CCDC187: variants seen among roughly 807,000 people sequenced by gnomAD.
CCDC187 encodes coiled-coil domain-containing protein 187.
A neutral mutation model predicts 38.0 loss-of-function variants in CCDC187; 32 were observed. The ratio of observed to expected loss-of-function variants is 0.84; its 90% CI spans 0.64 to 1.13. The LOEUF is 1.13. Among genes scored for constraint, CCDC187 ranks in the 50% most tolerant of loss-of-function variants. CCDC187 has a pLI of 0.00. For missense variants in CCDC187, 707 were observed against 786.8 expected, an observed-to-expected ratio of 0.90 and a Z score of 1.21; for synonymous variants, 333 against 347.9, an observed-to-expected ratio of 0.96 and a Z score of 0.48.
chr9:136,287,286 A>C (rs1831204589), intron 7 of CCDC187, among the ~76,000 whole-genome samples: 2 of 152,230 alleles, frequency 1.3e-5, no homozygotes, highest in Non-Finnish European at 2.9e-5. Context: ...ACTCACGTTC[A>C]TGGTTTCTTT....
intron 7 of CCDC187, among the ~76,000 whole-genome samples, chr9:136,288,920 C>A (rs1831244685): frequency 6.6e-6 from 1 of 152,216 alleles, no homozygotes; most frequent in Non-Finnish European, 1.5e-5. Context: ...GGTGCACGTG[C>A]CCATGCAATT....
At chr9:136,275,460 A>G (rs1182026131) in intron 12 of CCDC187, among the ~76,000 whole-genome samples, 2 of 151,978 alleles carry the variant, frequency 1.3e-5, no homozygotes, top group South Asian at 2.1e-4. Flanking sequence ...ACACACGTGC[A>G]CACACACCCA....
In CCDC187 at chr9:136,252,763, C is replaced by A. The variant is rs62579874; in HGVS notation, c.*831G>T. 0.65 allele frequency: 99,175 copies of A among 152,290 alleles called. 37,095 individuals carry two copies. Among genetic ancestry groups the A allele is most frequent in the Non-Finnish European group, 0.83 (56,357 of 68,094 alleles). 9.4% of individuals were successfully genotyped at this position (152,290 alleles called of 1,614,324 possible). On this transcript the variant is annotated 3_prime_UTR_variant, in exon 26 of 26. Transcript: ENST00000638797. ...GAGCTGCTAAGGAGTCACGCAGGAC[C>A]CTCCTGGTGAGCCACGTGGAGACCA...
chr9:136,289,483 C>T (rs1377717702), intron 7 of CCDC187, among the ~76,000 whole-genome samples: 6 of 133,954 alleles, frequency 4.5e-5, no homozygotes, highest in Admixed American at 4.3e-4. Context: ...CGTGCCATTG[C>T]GCTCCAGCCT....
At chr9:136,259,095 G>T in intron 21 of CCDC187, 94 bp from the exon 22 acceptor site, 1 of 939,632 alleles carries the variant, frequency 1.1e-6, no homozygotes, top group South Asian at 4.9e-5. Flanking sequence ...GACAGATGGG[G>T]ACAGACTGGG....
chr9:136,280,068 T>C (rs991087459), intron 10 of CCDC187, among the ~76,000 whole-genome samples: 1 of 152,330 alleles, frequency 6.6e-6, no homozygotes, highest in Non-Finnish European at 1.5e-5. Context: ...TCTCTGGGAT[T>C]CTGTTACGAC....
At chr9:136,299,521 G>C (rs971688070) in intron 3 of CCDC187, among the ~76,000 whole-genome samples, 8 of 152,276 alleles carry the variant, frequency 5.3e-5, no homozygotes, top group African/African-American at 1.9e-4. Flanking sequence ...CTCTGGACTC[G>C]AGAGAGCCTC....
intron 10 of CCDC187, chr9:136,281,253 GA>G: frequency 2.5e-6 from 1 of 397,364 alleles, no homozygotes; most frequent in Non-Finnish European, 4.4e-6. Flanking sequence ...GGACTGTAAG[GA>G]AGCGCCCTAG....
Position 136,291,769 on chromosome 9 carries a change from C to G in CCDC187, c.968-124G>C, listed in dbSNP as rs966545429. 4.6e-4 allele frequency: 182 copies of G among 397,766 alleles called. 1 individual carries two copies. Among genetic ancestry groups the G allele is most frequent in the African/African-American group, 3.3e-3 (159 of 48,752 alleles). 24.6% of individuals were successfully genotyped at this position (397,766 alleles called of 1,614,324 possible). On this transcript the variant is annotated intron_variant, in intron 5 of 25. Transcript: ENST00000638797. ...AGGAGGCCCTCGGGCCCCTGCTGGG[C>G]AGAAGCCCTCTGAGGGTGGGCACCA...
At position 136,303,511 on chromosome 9, in the gene CCDC187, A is replaced by G. The variant is rs1182775471; in HGVS notation, c.143+177T>C. On this transcript the variant is annotated intron_variant, in intron 1 of 25. Transcript: ENST00000638797. ...GTAGGTAATGTGATCGGCCCGATTTACAGATGGAGAAACTGAGTCTCAGAG... is the reference window on the plus strand; with the variant it reads ...GTAGGTAATGTGATCGGCCCGATTTGCAGATGGAGAAACTGAGTCTCAGAG... Among the ~76,000 whole-genome samples, 5 of 152,230 alleles carry G rather than the reference A, an allele frequency of 3.3e-5. No individual in the cohort carries two copies. The East Asian group carries it at 9.6e-4, about 29-fold the overall frequency.
chr9:136,282,821 G>GGGCT (rs1168596737), intron 9 of CCDC187, among the ~76,000 whole-genome samples: 1 of 152,244 alleles, frequency 6.6e-6, no homozygotes, highest in African/African-American at 2.4e-5. Context: ...AGGCCGTGAG[G>GGGCT]GGCTGCATGG....
Position 136,276,460 on chromosome 9 carries a change from G to A in CCDC187, c.3118-159C>T, listed in dbSNP as rs1053319630. On this transcript the variant is annotated intron_variant, in intron 11 of 25. Coordinates refer to ENST00000638797, the MANE Select transcript of CCDC187 (RefSeq NM_001378188.1). ...CTGCCAGGGGCTTCCCCATCAGCCC[G>A]GGAAGGCCAGGCGCCCTCTGTCTGT... Among the ~76,000 whole-genome samples, 279 of 152,120 alleles carry A rather than the reference G, an allele frequency of 1.8e-3. 1 individual carries two copies. The highest frequency in any genetic ancestry group is 3.0e-3 in the Non-Finnish European group (204 of 67,988).
At chr9:136,292,475 A>G (rs1831358446) in intron 4 of CCDC187, among the ~76,000 whole-genome samples, 180 bp from the exon 5 acceptor site, 1 of 152,154 alleles carries the variant, frequency 6.6e-6, no homozygotes, top group Non-Finnish European at 1.5e-5. Flanking sequence ...CTCAGCCTGC[A>G]CAGGGCAAGG....
intron 10 of CCDC187, among the ~76,000 whole-genome samples, chr9:136,280,461 G>A (rs1392367403): frequency 6.6e-6 from 1 of 152,168 alleles, no homozygotes; most frequent in Non-Finnish European, 1.5e-5. Context: ...GGCTTCAGGT[G>A]TGAGCCCGAC....
chr9:136,302,514 G>C (rs972615075), intron 2 of CCDC187, among the ~76,000 whole-genome samples: 2,575 of 152,288 alleles, frequency 0.017, 80 homozygotes, highest in African/African-American at 0.059. Flanking sequence ...CAGGGACAAA[G>C]GCACAGACTC....
At chr9:136,262,587 C>T in intron 18 of CCDC187, 125 bp from the exon 19 acceptor site, 1 of 800,734 alleles carries the variant, frequency 1.2e-6, no homozygotes, top group Non-Finnish European at 1.5e-6. Context: ...CTGCTTGCTC[C>T]CCACTGGGTG....
chr9:136,300,014 C>G (rs929157619), intron 3 of CCDC187, among the ~76,000 whole-genome samples: 40 of 152,276 alleles, frequency 2.6e-4, no homozygotes, highest in Non-Finnish European at 5.6e-4. Flanking sequence ...TGCCTGGGTC[C>G]TGCCCCACTG....
rs1830549010 is a variant in CCDC187 at position 136,252,087 on chromosome 9, TCCACCAGGGGAA to T, written c.*1495_*1506del. The stretch of plus-strand genomic sequence containing the variant: ...CCCGCACAGCCGGCCGCCCACCCCG[TCCACCAGGGGAA>T]GGTCCAGGCGACCGTCCCGCAGAGC... On this transcript the variant is annotated 3_prime_UTR_variant, in exon 26 of 26. Transcript: ENST00000638797. 2.9e-5 allele frequency: 3 copies of T among 101,880 alleles called. No homozygotes were observed. The highest frequency in any genetic ancestry group is 1.2e-4 in the African/African-American group (3 of 25,072). 6.3% of individuals were successfully genotyped at this position (101,880 alleles called of 1,614,324 possible).
rs1831717521 is a variant in CCDC187, at chr9:136,302,801, T to A, written c.625+11A>T. 1 of 399,032 alleles carries A rather than the reference T, an allele frequency of 2.5e-6. No homozygotes were observed. The highest frequency in any genetic ancestry group is 2.1e-5 in the African/African-American group (1 of 48,658). 24.7% of individuals were successfully genotyped at this position (399,032 alleles called of 1,614,324 possible). ...GCCCTCCTGCCCCTCTCTGGCAAAG[T>A]GGCCACTGACCTGAGCATTCAGGGG... On this transcript the variant is annotated intron_variant, in intron 2 of 25. Coordinates refer to ENST00000638797, the MANE Select transcript of CCDC187 (RefSeq NM_001378188.1).
Sources: gnomAD v4.1 joint callset for allele counts (sites outside exome capture counted in the v4.1 genomes callset) on GRCh38, gnomAD v4.1.1 for gene constraint, MANE v1.5 for transcripts, NCBI Gene and HGNC (gene_info 2026-07-23, HGNC 2026-07-21) for gene names.